PCDHA6: variants seen among roughly 807,000 people sequenced by gnomAD.
PCDHA6 encodes the protein protocadherin alpha 6.
A neutral mutation model predicts 60.3 loss-of-function variants in PCDHA6; 55 were observed. The observed-to-expected ratio is 0.91, with a 90% confidence interval of 0.73 to 1.14. The LOEUF (loss-of-function observed/expected upper bound fraction) is 1.14. PCDHA6 is among the 50% of genes most tolerant of loss of function. The pLI is 0.00. For synonymous variants in PCDHA6, 652 were observed against 557.9 expected, an observed-to-expected ratio of 1.17 and a Z score of -2.38; for missense variants, 1,327 against 1,256.5, an observed-to-expected ratio of 1.06 and a Z score of -0.85.
At chr5:140,989,325 G>A (rs1389327103) in intron 3 of PCDHA6, among the ~76,000 whole-genome samples, 5 of 152,164 alleles carry the variant, frequency 3.3e-5, no homozygotes, top group African/African-American at 1.2e-4. Flanking sequence ...CACCAACTTT[G>A]CCACCTGACT....
At chr5:140,948,708 C>T (rs1376587735) in intron 1 of PCDHA6, among the ~76,000 whole-genome samples, 1 of 151,114 alleles carries the variant, frequency 6.6e-6, no homozygotes, top group Non-Finnish European at 1.5e-5. Flanking sequence ...TGTGTTCTAT[C>T]CTCTTTTTTA....
chr5:140,943,491 G>A (rs1387185924), intron 1 of PCDHA6, among the ~76,000 whole-genome samples: 4 of 151,986 alleles, frequency 2.6e-5, no homozygotes, highest in Non-Finnish European at 5.9e-5. Context: ...ATAAATAGAT[G>A]CTATCAAGGT....
intron 1 of PCDHA6, among the ~76,000 whole-genome samples, chr5:140,924,232 G>T (rs1554201826): frequency 6.6e-6 from 1 of 152,180 alleles, no homozygotes; most frequent in African/African-American, 2.4e-5. Flanking sequence ...ATTTTTATGG[G>T]CTGTTTTGCA....
At chr5:140,856,020 G>A (rs782082828) in intron 1 of PCDHA6, 2 of 1,553,262 alleles carry the variant, frequency 1.3e-6, no homozygotes, top group African/African-American at 1.4e-5. Context: ...CCGCTGATTC[G>A]TCGATTTGTA....
chr5:140,935,405 A>G (rs1554210493), intron 1 of PCDHA6, among the ~76,000 whole-genome samples: 1 of 152,248 alleles, frequency 6.6e-6, no homozygotes, highest in Non-Finnish European at 1.5e-5. Context: ...GGACTCAAAC[A>G]ATGGACTTAG....
At chr5:140,941,222 T>TCTTC (rs2092907237) in intron 1 of PCDHA6, among the ~76,000 whole-genome samples, 2 of 116,858 alleles carry the variant, frequency 1.7e-5, no homozygotes, top group Non-Finnish European at 3.8e-5. Flanking sequence ...TTCCTTTCTT[T>TCTTC]CTTTCTTTCT....
At chr5:140,836,004 G>A in intron 1 of PCDHA6, 2 of 1,613,392 alleles carry the variant, frequency 1.2e-6, no homozygotes, top group Non-Finnish European at 1.7e-6. Context: ...GCGCGATGCG[G>A]GCGTGCCGCC....
At chr5:140,920,565 G>A (rs1225212458) in intron 1 of PCDHA6, among the ~76,000 whole-genome samples, 27 of 152,152 alleles carry the variant, frequency 1.8e-4, no homozygotes, top group Admixed American at 1.6e-3. Context: ...TGGCCCTTAG[G>A]CCAGGAGCAG....
chr5:140,848,975 A>G lies in PCDHA6; in HGVS notation c.2394+18490A>G, dbSNP rs2040717769. 3 of 1,601,024 alleles carry G rather than the reference A, an allele frequency of 1.9e-6. No homozygotes were observed. The East Asian group carries it at 6.7e-5, about 36-fold the overall frequency. ...TTCCACTAGAGGGCGCGTCCGATGC[A>G]GATATCGGGGAGAACGCCCTGCTCA... On this transcript the variant is annotated intron_variant, in intron 1 of 3. Transcript: ENST00000529310.
At chr5:140,842,362 C>T (rs2150334597) in intron 1 of PCDHA6, 4 of 1,607,598 alleles carry the variant, frequency 2.5e-6, no homozygotes, top group Middle Eastern at 1.7e-4. Flanking sequence ...ATGATAACGT[C>T]CCTGAGATAG....
rs185929013 is a variant in PCDHA6 at position 140,956,196 on chromosome 5, T to G, written c.2395-22753T>G. 2.6e-5 allele frequency among the ~76,000 whole-genome samples: 4 copies of G among 152,188 alleles called. No homozygotes were observed. In the East Asian group the frequency reaches 7.7e-4, roughly 29 times the overall value. On this transcript the variant is annotated intron_variant, in intron 1 of 3. Coordinates refer to ENST00000529310, the MANE Select transcript of PCDHA6 (RefSeq NM_018909.4). The stretch of plus-strand genomic sequence containing the variant: ...CTTCCAATACTATGCTGAATAGGAG[T>G]GGTGAAAGAGGGCATCCTTGTCTTG...
At chr5:140,941,255 C>CTTTCTCTT (rs782490896) in intron 1 of PCDHA6, among the ~76,000 whole-genome samples, 24 of 44,510 alleles carry the variant, frequency 5.4e-4, no homozygotes, top group African/African-American at 1.5e-3. Flanking sequence ...TTCTTTCTTT[C>CTTTCTCTT]TCTTTCTTTC....
chr5:140,956,775 C>T (rs1176979643), intron 1 of PCDHA6, among the ~76,000 whole-genome samples: 1 of 152,112 alleles, frequency 6.6e-6, no homozygotes, highest in Non-Finnish European at 1.5e-5. Context: ...CTGTCTGGTC[C>T]TGGGCTTTGT....
intron 1 of PCDHA6, chr5:140,841,784 G>A (rs1777488668): frequency 6.2e-7 from 1 of 1,613,812 alleles, no homozygotes; most frequent in African/African-American, 1.3e-5. Context: ...GTTTCCGCTA[G>A]AGGGCGCGTC....
At chr5:140,967,921 C>A (rs781932025) in intron 1 of PCDHA6, 3 of 1,614,172 alleles carry the variant, frequency 1.9e-6, no homozygotes, top group Middle Eastern at 3.3e-4. Context: ...CCATTGTGGC[C>A]GTTCTCAGTG....
chr5:140,870,514 T>C lies in PCDHA6; in HGVS notation c.2394+40029T>C, dbSNP rs1554164347. ...CGTGAAGGAGAACAACCCACCAGGC[T>C]GCCACATCTTCACAGTGTCGGCGCG... On this transcript the variant is annotated intron_variant, in intron 1 of 3. Transcript: ENST00000529310. The C allele has an allele frequency of 3.7e-6, 6 of 1,614,224 alleles. No homozygotes were observed. In the East Asian group the frequency reaches 1.3e-4, roughly 36 times the overall value.
Position 140,982,836 on chromosome 5 carries a change from T to C in PCDHA6, c.2542+273T>C, listed in dbSNP as rs2097010696. 2.6e-5 allele frequency among the ~76,000 whole-genome samples: 4 copies of C among 152,244 alleles called. No individual in the cohort carries two copies. The South Asian group carries it at 8.3e-4, about 32-fold the overall frequency. ...ATGAAGTTTTTGGGGTTTGTTTGTT[T>C]GTTTAAATCAGGTACCTTTCAAATG... On this transcript the variant is annotated intron_variant, in intron 3 of 3. Coordinates refer to ENST00000529310, the MANE Select transcript of PCDHA6 (RefSeq NM_018909.4).
At chr5:141,001,144 C>T (rs1225047253) in intron 3 of PCDHA6, among the ~76,000 whole-genome samples, 3 of 151,960 alleles carry the variant, frequency 2.0e-5, no homozygotes, top group Non-Finnish European at 4.4e-5. Context: ...TCTTCTGTTG[C>T]TCTGATCTTA....
chr5:140,869,135 C>T, intron 1 of PCDHA6: 1 of 1,613,026 alleles, frequency 6.2e-7, no homozygotes. Flanking sequence ...GGATTGGGCA[C>T]CCCACGACTA....
Sources: allele counts gnomAD v4.1 joint callset (sites outside exome capture counted in the v4.1 genomes callset), GRCh38; gene constraint gnomAD v4.1.1; transcripts MANE v1.5; gene names NCBI Gene and HGNC (gene_info 2026-07-23, HGNC 2026-07-21).